Variants in PCDHGC4 observed in about 807,000 individuals in gnomAD.
PCDHGC4 encodes protocadherin gamma subfamily C, 4, also known as protocadherin gamma-C4.
Under a neutral mutation model 59.7 loss-of-function variants are expected in PCDHGC4, and 15 were observed. The ratio of observed to expected loss-of-function variants is 0.25; its 90% CI spans 0.17 to 0.39. The LOEUF is 0.39. Among genes scored for constraint, PCDHGC4 ranks in the 10% least tolerant of loss-of-function variants. The probability of loss-of-function intolerance (pLI) is 1.00; values close to 1 mark genes in which losing one functional copy is unlikely to be tolerated. For synonymous variants in PCDHGC4, 434 were observed against 481.4 expected (o/e 0.90, Z 1.29); for missense variants, 1,016 against 1,189.5 (o/e 0.85, Z 2.15).
In PCDHGC4 at chr5:141,486,805, C is replaced by A; in HGVS notation, c.1632C>A (p.Pro544=). The change falls in exon 1 of 4, where the codon CCC becomes CCA. Residue 544 remains proline (P), a synonymous_variant. Transcript: ENST00000306593. The surrounding 1 kb of genome is among the most constrained non-coding windows in gnomAD (Gnocchi z 5.0). The part of the protein sequence containing the change: ...EVQARDRGNP[P]LSSTVTVRLF... ...AGGCCCGGGATCGGGGCAACCCACC[C>A]CTTAGCAGCACTGTAACAGTTCGTC... 1.2e-6 allele frequency: 2 copies of A among 1,614,242 alleles called. No homozygotes were observed. Among genetic ancestry groups the A allele is most frequent in the Admixed American group, 1.7e-5 (1 of 60,034 alleles).
Position 141,489,391 on chromosome 5 carries a change from G to C in PCDHGC4, c.2442+1776G>C. 6.2e-7 allele frequency: 1 copy of C among 1,614,174 alleles called. No individual in the cohort carries two copies. The highest frequency in any genetic ancestry group is 8.5e-7 in the Non-Finnish European group (1 of 1,180,022). ...GACGCTGGTGGGGAATGTTGCTCAG[G>C]ATCTGGGCTTAAAGATGACAGATCT... On this transcript the variant is annotated intron_variant, in intron 1 of 3. Transcript: ENST00000306593. This position sits in a 1 kb window ranked among gnomAD's most constrained non-coding sequence, Gnocchi z 4.5.
chr5:141,508,901 C>T (rs1466455227), intron 3 of PCDHGC4, among the ~76,000 whole-genome samples: 1 of 151,946 alleles, frequency 6.6e-6, no homozygotes, highest in South Asian at 2.1e-4. Flanking sequence ...GGGGGCGGGG[C>T]GGTGGCGGAT....
rs2099609528 is a variant in PCDHGC4 at position 141,485,211 on chromosome 5, G to A, written c.38G>A (p.Arg13Gln). 6.2e-7 allele frequency: 1 copy of A among 1,614,126 alleles called. No individual in the cohort carries two copies. The highest frequency in any genetic ancestry group is 8.5e-7 in the Non-Finnish European group (1 of 1,179,980). The part of the protein sequence containing the change: ...RKVRSWTEIW[R>Q]WATLLFLFYH... Reference sequence around the variant, plus strand: ...GTGAGAAGCTGGACAGAAATCTGGCGGTGGGCTACCCTTTTGTTCCTCTTT... The same window carrying A: ...GTGAGAAGCTGGACAGAAATCTGGCAGTGGGCTACCCTTTTGTTCCTCTTT... Residue 13 changes from arginine to glutamine, a missense_variant, in exon 1 of 4, where the codon CGG becomes CAG. By Grantham distance (43) the Arg-to-Gln change is conservative. Transcript: ENST00000306593. This position sits in a 1 kb window ranked among gnomAD's most constrained non-coding sequence, Gnocchi z 5.7.
intron 3 of PCDHGC4, among the ~76,000 whole-genome samples, chr5:141,508,629 T>C (rs934648689): frequency 6.6e-6 from 1 of 152,054 alleles, no homozygotes; most frequent in Non-Finnish European, 1.5e-5. Context: ...GGGCCGAGCT[T>C]CTAGCTACTC....
rs764843194 is a variant in PCDHGC4 at position 141,490,530 on chromosome 5, T to A, written c.2442+2915T>A. 1.2e-6 allele frequency: 2 copies of A among 1,613,794 alleles called. No individual in the cohort carries two copies. Among genetic ancestry groups the A allele is most frequent in the African/African-American group, 2.7e-5 (2 of 74,846 alleles). ...TCGAGCTGCTGGCCAGCGATGCTGG[T>A]TCACCTTCCCTACACAAACATCTCA... On this transcript the variant is annotated intron_variant, in intron 1 of 3. Coordinates refer to ENST00000306593, the MANE Select transcript of PCDHGC4 (RefSeq NM_018928.3). This position sits in a 1 kb window ranked among gnomAD's most constrained non-coding sequence, Gnocchi z 5.4.
chr5:141,488,441 C>T (rs1320712074), intron 1 of PCDHGC4, among the ~76,000 whole-genome samples: 1 of 152,206 alleles, frequency 6.6e-6, no homozygotes, highest in Non-Finnish European at 1.5e-5. Flanking sequence ...TGACCACCCT[C>T]CTGGGTGACC....
Position 141,489,322 on chromosome 5 carries a change from T to G in PCDHGC4, c.2442+1707T>G. 1.9e-6 allele frequency: 3 copies of G among 1,601,052 alleles called. No homozygotes were observed. The highest frequency in any genetic ancestry group is 2.2e-5 in the East Asian group (1 of 44,726). On this transcript the variant is annotated intron_variant, in intron 1 of 3. Transcript: ENST00000306593. This position sits in a 1 kb window ranked among gnomAD's most constrained non-coding sequence, Gnocchi z 4.5. The stretch of plus-strand genomic sequence containing the variant: ...GTCCTTGTGCTGCTGGGGCTGGGTG[T>G]CTGGGCAGCTTCGTTACTCAGTGGT...
chr5:141,511,007 G>A lies in PCDHGC4; in HGVS notation c.2651G>A (p.Arg884His), dbSNP rs780918754. The change falls in exon 4 of 4, where the codon CGC becomes CAC. Residue 884 changes from arginine to histidine, a missense_variant. Physicochemically the swap from Arg to His is conservative, Grantham distance 29 (BLOSUM62 0). Transcript: ENST00000306593. ...GCCGGCACCATGGGATTGAGCGCCC[G>A]CTACGGACCCCAGTTCACCCTGCAG... is the stretch of plus-strand genomic sequence containing the variant. ...GGAGTMGLSA[R>H]YGPQFTLQHV... 1.9e-6 allele frequency: 3 copies of A among 1,614,158 alleles called. No individual in the cohort carries two copies. Among genetic ancestry groups the A allele is most frequent in the East Asian group, 4.5e-5 (2 of 44,890 alleles).
In PCDHGC4 at chr5:141,489,053, G is replaced by C; in HGVS notation, c.2442+1438G>C. 1 of 473,650 alleles carries C rather than the reference G, an allele frequency of 2.1e-6. No homozygotes were observed. Among genetic ancestry groups the C allele is most frequent in the Non-Finnish European group, 3.7e-6 (1 of 270,732 alleles). The allele number at this position is 473,650 out of a possible 1,614,324, so 29.3% of individuals were successfully genotyped here. A position where few individuals can be genotyped will look rare whatever the true frequency, so the allele number is the denominator to read the frequency against. On this transcript the variant is annotated intron_variant, in intron 1 of 3. Transcript: ENST00000306593. The surrounding 1 kb of genome is among the most constrained non-coding windows in gnomAD (Gnocchi z 4.5). ...AGCTCCCCAGCTCCACTCAAATTCA[G>C]CTCCCCTCCCCCCTGCCCACCCCCG...
At position 141,485,299 on chromosome 5, in the gene PCDHGC4, G is replaced by A; in HGVS notation, c.126G>A (p.Gly42=). Residue 42 remains glycine, a synonymous_variant, in exon 1 of 4, where the codon GGG becomes GGA. Coordinates refer to ENST00000306593, the MANE Select transcript of PCDHGC4 (RefSeq NM_018928.3). The surrounding 1 kb of genome is among the most constrained non-coding windows in gnomAD (Gnocchi z 5.7). ...RYPVPEESQE[G]TFVGNVAQDF... is the part of the protein sequence containing the mutation. ...CGGTCCCAGAGGAGTCACAGGAAGG[G>A]ACTTTTGTAGGGAATGTCGCTCAAG... 1 of 1,614,180 alleles carries A rather than the reference G, an allele frequency of 6.2e-7. No individual in the cohort carries two copies. Among genetic ancestry groups the A allele is most frequent in the Non-Finnish European group, 8.5e-7 (1 of 1,180,012 alleles).
rs2099634686 is a variant in PCDHGC4 at position 141,486,772 on chromosome 5, T to G, written c.1599T>G (p.Phe533Leu). 1 of 1,614,246 alleles carries G rather than the reference T, an allele frequency of 6.2e-7. No individual in the cohort carries two copies. The highest frequency in any genetic ancestry group is 8.5e-7 in the Non-Finnish European group (1 of 1,180,042). Reference sequence around the variant, plus strand: ...ATGAGCAAACCCAGACACTGCAGTTTGAGGTGCAGGCCCGGGATCGGGGCA... The same window carrying G: ...ATGAGCAAACCCAGACACTGCAGTTGGAGGTGCAGGCCCGGGATCGGGGCA... ...FDYEQTQTLQ[F>L]EVQARDRGNP... is the part of the protein sequence containing the mutation. The change falls in exon 1 of 4, where the codon TTT becomes TTG. Residue 533 changes from phenylalanine to leucine, a missense_variant. Coordinates refer to ENST00000306593, the MANE Select transcript of PCDHGC4 (RefSeq NM_018928.3). This position sits in a 1 kb window ranked among gnomAD's most constrained non-coding sequence, Gnocchi z 5.0.
chr5:141,491,937 AC>A lies in PCDHGC4; in HGVS notation c.2443-2865del. ...CTGTGGGCGAGGGGAGGTGGGACCG[AC>A]CCCCACCCCTACACTCAAAAAAGGC... On this transcript the variant is annotated intron_variant, in intron 1 of 3. Transcript: ENST00000306593. This position sits in a 1 kb window ranked among gnomAD's most constrained non-coding sequence, Gnocchi z 6.9. The A allele has an allele frequency of 3.4e-6, 4 of 1,164,304 alleles. No homozygotes were observed. Among genetic ancestry groups the A allele is most frequent in the Non-Finnish European group, 4.7e-6 (4 of 858,404 alleles). The allele number at this position is 1,164,304 out of a possible 1,614,324, so 72.1% of individuals were successfully genotyped here.
At chr5:141,499,330 C>T (rs1040336371) in intron 2 of PCDHGC4, among the ~76,000 whole-genome samples, 1 of 152,170 alleles carries the variant, frequency 6.6e-6, no homozygotes, top group African/African-American at 2.4e-5. Flanking sequence ...CCTGCTCTCT[C>T]TCAGTTTGGG....
chr5:141,496,984 G>C (rs938752499), intron 2 of PCDHGC4, among the ~76,000 whole-genome samples: 1 of 151,896 alleles, frequency 6.6e-6, no homozygotes, highest in Admixed American at 6.6e-5. Context: ...TCAGGGGTTT[G>C]AGACCAGCCT....
In PCDHGC4 at chr5:141,487,883, G is replaced by A; in HGVS notation, c.2442+268G>A. ...GGTGATCAAGAGCCAGGCTGTTGTG[G>A]AAGCATGATGATGGAATGTGGGAGC... is the stretch of plus-strand genomic sequence containing the variant. On this transcript the variant is annotated intron_variant, in intron 1 of 3. Transcript: ENST00000306593. This position sits in a 1 kb window ranked among gnomAD's most constrained non-coding sequence, Gnocchi z 5.0. The A allele has an allele frequency of 1.3e-6, 1 of 766,586 alleles. No homozygotes were observed. The highest frequency in any genetic ancestry group is 1.8e-5 in the South Asian group (1 of 55,094). 47.5% of individuals were successfully genotyped at this position (766,586 alleles called of 1,614,324 possible).
At position 141,505,403 on chromosome 5, in the gene PCDHGC4, G is replaced by A; in HGVS notation, c.2512G>A (p.Gly838Ser). The A allele has an allele frequency of 6.2e-7, 1 of 1,614,186 alleles. No individual in the cohort carries two copies. The highest frequency in any genetic ancestry group is 8.5e-7 in the Non-Finnish European group (1 of 1,180,038). ...QRPGTSGSQN[G>S]DDTGTWPNNQ... ...CTACTCTCTCCCCAGCTCCCAAAAT[G>A]GCGATGACACCGGCACCTGGCCCAA... Residue 838 changes from glycine (G) to serine (S), a missense_variant, in exon 3 of 4, where the codon GGC (glycine) becomes AGC (serine). Coordinates refer to ENST00000306593, the MANE Select transcript of PCDHGC4 (RefSeq NM_018928.3).
Position 141,490,271 on chromosome 5 carries a change from A to G in PCDHGC4, c.2442+2656A>G, listed in dbSNP as rs750463186. 6.8e-6 allele frequency: 11 copies of G among 1,614,246 alleles called. No homozygotes were observed. Among genetic ancestry groups the G allele is most frequent in the Non-Finnish European group, 8.5e-6 (10 of 1,180,054 alleles). On this transcript the variant is annotated intron_variant, in intron 1 of 3. Coordinates refer to ENST00000306593, the MANE Select transcript of PCDHGC4 (RefSeq NM_018928.3). The surrounding 1 kb of genome is among the most constrained non-coding windows in gnomAD (Gnocchi z 5.4). The stretch of plus-strand genomic sequence containing the variant: ...ATTCAAGTGGATGTGGGGGATGTCA[A>G]TGACAATGCCCCAGAGGTGCTATTG...
At chr5:141,498,991 AG>A (rs1449718352) in intron 2 of PCDHGC4, among the ~76,000 whole-genome samples, 8 of 144,362 alleles carry the variant, frequency 5.5e-5, no homozygotes, top group Non-Finnish European at 1.0e-4. Context: ...GAAGGAAGGA[AG>A]GAAGGAAGGA....
intron 3 of PCDHGC4, among the ~76,000 whole-genome samples, chr5:141,508,848 TC>T (rs1390332366): frequency 6.6e-5 from 10 of 151,752 alleles, no homozygotes. Context: ...CCCCTTCCAT[TC>T]CCAGGCTGGG....
Sources: allele counts gnomAD v4.1 joint callset (sites outside exome capture counted in the v4.1 genomes callset), GRCh38; gene constraint gnomAD v4.1.1; non-coding constraint Gnocchi (gnomAD v3.1); transcripts MANE v1.5; gene names NCBI Gene and HGNC (gene_info 2026-07-23, HGNC 2026-07-21).